The following TENM3 variants were observed in gnomAD, a reference collection of about 807,000 sequenced individuals.
TENM3 encodes teneurin-3.
TENM3 carries 63 observed loss-of-function variants against 255.1 expected under a neutral mutation model. The ratio of observed to expected loss-of-function variants is 0.25; its 90% CI spans 0.20 to 0.30. The LOEUF (loss-of-function observed/expected upper bound fraction) is 0.30. TENM3 is among the 10% of genes least tolerant of loss of function. The pLI is 1.00. For synonymous variants in TENM3, 1,306 were observed against 1,322.3 expected (o/e 0.99, Z 0.27); for missense variants, 2,929 against 3,461.1 (o/e 0.85, Z 3.86).
chr4:181,996,795 G>A, the TENM3 span, among the ~76,000 whole-genome samples: 13 of 152,244 alleles, frequency 8.5e-5, no homozygotes, highest in East Asian at 1.5e-3. Flanking sequence ...TACTGGATAC[G>A]GGAACAAGGG....
At chr4:182,260,625 T>C (rs190312010) in intron 1 of TENM3, among the ~76,000 whole-genome samples, 19 of 152,338 alleles carry the variant, frequency 1.2e-4, no homozygotes, top group African/African-American at 4.1e-4. Flanking sequence ...AATGGTTCTA[T>C]TAAAGAAAGC....
At chr4:182,342,759 G>A (rs1331602842) in intron 2 of TENM3, among the ~76,000 whole-genome samples, 4 of 152,214 alleles carry the variant, frequency 2.6e-5, no homozygotes, top group South Asian at 2.1e-4. Context: ...TGCCTTCCCC[G>A]TGGGGTGCTT....
rs750128006 is a variant in TENM3, at chr4:182,741,264, TA to T, written c.3380-1905del. ...GTGAACAGATTGCAGTTTAGAATTT[TA>T]TCCAAGAACATTTTGACAAGTAGTG... On this transcript the variant is annotated intron_variant, in intron 18 of 27. Coordinates refer to ENST00000511685, the MANE Select transcript of TENM3 (RefSeq NM_001080477.4). Among the ~76,000 whole-genome samples the T allele has an allele frequency of 2.2e-3, 329 of 152,370 alleles. 1 individual carries two copies. Among genetic ancestry groups the T allele is most frequent in the Middle Eastern group, 3.4e-3 (1 of 294 alleles).
intron 3 of TENM3, among the ~76,000 whole-genome samples, chr4:182,400,078 T>C (rs1232901103): frequency 6.6e-6 from 1 of 152,230 alleles, no homozygotes; most frequent in African/African-American, 2.4e-5. Context: ...ATTTTTTTGT[T>C]ATACTTCAGA....
chr4:182,367,573 GAGA>G (rs200677615), intron 3 of TENM3, among the ~76,000 whole-genome samples: 3,060 of 152,290 alleles, frequency 0.02, 70 homozygotes, highest in African/African-American at 0.048. Context: ...TGTAATGTGA[GAGA>G]AGAAGAGTGA....
the TENM3 span, among the ~76,000 whole-genome samples, chr4:181,871,264 C>G: frequency 6.6e-6 from 1 of 151,976 alleles, no homozygotes; most frequent in African/African-American, 2.4e-5. Flanking sequence ...TTAGAATCAA[C>G]TAGTCATTTT....
the TENM3 span, among the ~76,000 whole-genome samples, chr4:181,894,827 C>T: frequency 8.6e-5 from 13 of 152,038 alleles, no homozygotes; most frequent in African/African-American, 3.1e-4. Flanking sequence ...GGTGTCTGAG[C>T]ATGATTTGCA....
At chr4:182,444,861 C>T (rs887241228) in intron 3 of TENM3, among the ~76,000 whole-genome samples, 18 of 152,118 alleles carry the variant, frequency 1.2e-4, no homozygotes, top group Admixed American at 4.6e-4. Flanking sequence ...AATGCAATGG[C>T]GCGATCTGGG....
the TENM3 span, chr4:181,975,997 C>T: frequency 9.9e-5 from 15 of 152,122 alleles, no homozygotes; most frequent in African/African-American, 3.6e-4. Context: ...TGCTTGTAGC[C>T]GGCATTCTCC....
the TENM3 span, among the ~76,000 whole-genome samples, chr4:181,865,831 T>C: frequency 6.6e-6 from 1 of 152,132 alleles, no homozygotes; most frequent in Non-Finnish European, 1.5e-5. Context: ...CCCAAATATA[T>C]ATTTAAGGAG....
chr4:182,193,076 A>G (rs536559598), intron 1 of TENM3, among the ~76,000 whole-genome samples: 1 of 152,304 alleles, frequency 6.6e-6, no homozygotes, highest in African/African-American at 2.4e-5. Flanking sequence ...CATGAAGTTA[A>G]GGTAAGCATT....
At chr4:182,440,359 G>A (rs761721870) in intron 3 of TENM3, among the ~76,000 whole-genome samples, 50 of 151,978 alleles carry the variant, frequency 3.3e-4, no homozygotes, top group East Asian at 1.9e-4. Context: ...TGATCCACCC[G>A]CCTCGGCCTC....
intron 3 of TENM3, among the ~76,000 whole-genome samples, chr4:182,568,889 A>G (rs1744065243): frequency 1.3e-5 from 2 of 152,228 alleles, no homozygotes; most frequent in Non-Finnish European, 2.9e-5. Context: ...ACGAGTACAT[A>G]CTGTATGATT....
intron 1 of TENM3, among the ~76,000 whole-genome samples, chr4:182,210,170 G>A (rs947199364): frequency 2.0e-5 from 3 of 152,102 alleles, no homozygotes; most frequent in African/African-American, 7.2e-5. Flanking sequence ...CCCTCGGGCG[G>A]ATGGACGGTC....
At chr4:181,921,206 T>G in the TENM3 span, among the ~76,000 whole-genome samples, 2 of 152,198 alleles carry the variant, frequency 1.3e-5, no homozygotes, top group African/African-American at 4.8e-5. Flanking sequence ...AGGATTGACT[T>G]GGCAGTGCGG....
At position 182,590,538 on chromosome 4, in the gene TENM3, CAAAAAAAAAAA is replaced by C. The variant is rs34681777; in HGVS notation, c.512-10373_512-10363del. ...CCAGCAATAGAGCGAGACCCTGTCT[CAAAAAAAAAAA>C]AAAAAAAAAAAAGAAAAAGAAAAAG... is the stretch of plus-strand genomic sequence containing the variant. On this transcript the variant is annotated intron_variant, in intron 3 of 27. Transcript: ENST00000511685. 1.3e-3 allele frequency among the ~76,000 whole-genome samples: 103 copies of C among 79,992 alleles called. 2 individuals are homozygous for C. The East Asian group carries it at 0.029, about 22-fold the overall frequency. The allele number at this position is 79,992 out of a possible 152,430, so 52.5% of individuals were successfully genotyped here.
At chr4:182,521,944 T>A (rs1738622370) in intron 3 of TENM3, among the ~76,000 whole-genome samples, 1 of 152,186 alleles carries the variant, frequency 6.6e-6, no homozygotes. Context: ...TTATTGACTC[T>A]AGAAAAATCA....
the TENM3 span, among the ~76,000 whole-genome samples, chr4:181,479,538 C>G: frequency 3.3e-5 from 5 of 152,180 alleles, no homozygotes; most frequent in East Asian, 9.6e-4. Flanking sequence ...CTTCCTTTCT[C>G]TTGGAAAAAT....
chr4:181,480,932 G>A, the TENM3 span, among the ~76,000 whole-genome samples: 1 of 151,402 alleles, frequency 6.6e-6, no homozygotes, highest in African/African-American at 2.4e-5. Context: ...CATGAGTAAA[G>A]GGTGAAGGAA....
Sources: gnomAD v4.1 joint callset for allele counts (sites outside exome capture counted in the v4.1 genomes callset) on GRCh38, gnomAD v4.1.1 for gene constraint, MANE v1.5 for transcripts, NCBI Gene and HGNC (gene_info 2026-07-23, HGNC 2026-07-21) for gene names.